CTIF: variants seen among roughly 807,000 people sequenced by gnomAD.
CTIF encodes CBP80/20-dependent translation initiation factor.
A neutral mutation model predicts 66.0 loss-of-function variants in CTIF; 21 were observed. That is an observed-to-expected ratio of 0.32 (90% CI 0.23 to 0.46). The LOEUF is 0.46. CTIF is among the 20% of genes least tolerant of loss of function. CTIF has a pLI of 1.00. For missense variants in CTIF, 739 were observed against 812.7 expected, an observed-to-expected ratio of 0.91 and a Z score of 1.10; for synonymous variants, 345 against 326.4, an observed-to-expected ratio of 1.06 and a Z score of -0.62.
chr18:48,768,995 T>C (rs1012001521), intron 9 of CTIF, among the ~76,000 whole-genome samples: 2 of 152,102 alleles, frequency 1.3e-5, no homozygotes, highest in African/African-American at 4.8e-5. Flanking sequence ...GGTCGCTGAG[T>C]CTCTGAGCTT....
rs137948933 is a variant in CTIF at position 48,748,208 on chromosome 18, T to A, written c.585-9711T>A. Among the ~76,000 whole-genome samples the A allele has an allele frequency of 4.8e-3, 727 of 152,184 alleles. 4 individuals carry two copies. Among genetic ancestry groups the A allele is most frequent in the Non-Finnish European group, 6.7e-3 (453 of 68,004 alleles). On this transcript the variant is annotated intron_variant, in intron 7 of 11. Transcript: ENST00000256413. ...AGGGGCGAGACGGGGGTTCGGGCCC[T>A]GGTCCTGGATGGGCTTTCTGCTCAA...
chr18:48,779,385 C>T (rs916679699), intron 9 of CTIF, among the ~76,000 whole-genome samples: 2 of 152,198 alleles, frequency 1.3e-5, no homozygotes, highest in African/African-American at 2.4e-5. Flanking sequence ...CGCAGCTGGT[C>T]AGTGACAGAC....
chr18:48,821,903 A>G (rs2068490847), intron 10 of CTIF, among the ~76,000 whole-genome samples: 1 of 152,256 alleles, frequency 6.6e-6, no homozygotes, highest in South Asian at 2.1e-4. Flanking sequence ...TTGTATCCAT[A>G]GCCATAATGT....
intron 9 of CTIF, among the ~76,000 whole-genome samples, chr18:48,808,134 T>C (rs1163066924): frequency 6.6e-6 from 1 of 152,218 alleles, no homozygotes; most frequent in Non-Finnish European, 1.5e-5. Context: ...ACTGCATCCT[T>C]ACCAGCATTG....
At chr18:48,578,504 A>G (rs2089584437) in intron 1 of CTIF, among the ~76,000 whole-genome samples, 1 of 152,130 alleles carries the variant, frequency 6.6e-6, no homozygotes, top group Admixed American at 6.5e-5. Flanking sequence ...TGTCTTTTTG[A>G]TTATAGTCAT....
intron 6 of CTIF, among the ~76,000 whole-genome samples, chr18:48,676,964 G>GGC (rs1292193003): frequency 8.5e-5 from 13 of 152,098 alleles, no homozygotes; most frequent in Non-Finnish European, 1.8e-4. Flanking sequence ...CCCAGCAGGT[G>GGC]GCGCTGCTGC....
At chr18:48,640,305 C>T (rs1335771153) in intron 3 of CTIF, among the ~76,000 whole-genome samples, 1 of 152,218 alleles carries the variant, frequency 6.6e-6, no homozygotes, top group Non-Finnish European at 1.5e-5. Flanking sequence ...TGTGCCTCAG[C>T]CAGCTGGTCA....
At chr18:48,545,409 G>GC (rs1436107669) in intron 1 of CTIF, among the ~76,000 whole-genome samples, 2 of 152,040 alleles carry the variant, frequency 1.3e-5, no homozygotes, top group Non-Finnish European at 2.9e-5. Flanking sequence ...CGGCATCCAG[G>GC]TCATAGGGGG....
intron 10 of CTIF, among the ~76,000 whole-genome samples, chr18:48,828,381 C>A (rs552840644): frequency 6.6e-6 from 1 of 152,218 alleles, no homozygotes; most frequent in South Asian, 2.1e-4. Flanking sequence ...AATTAACTAG[C>A]CTTATGAAGG....
At chr18:48,681,170 C>T (rs1166893430) in intron 6 of CTIF, among the ~76,000 whole-genome samples, 1 of 152,252 alleles carries the variant, frequency 6.6e-6, no homozygotes, top group African/African-American at 2.4e-5. Context: ...CTCCCTCCTA[C>T]ACCCTCTTCC....
At chr18:48,851,689 C>T (rs2069203916) in intron 10 of CTIF, among the ~76,000 whole-genome samples, 1 of 152,132 alleles carries the variant, frequency 6.6e-6, no homozygotes, top group Non-Finnish European at 1.5e-5. Flanking sequence ...ACTGAGCAGC[C>T]CCACTGTGTC....
At chr18:48,562,583 A>C (rs2089188094) in intron 1 of CTIF, among the ~76,000 whole-genome samples, 1 of 152,176 alleles carries the variant, frequency 6.6e-6, no homozygotes, top group Admixed American at 6.5e-5. Context: ...ACATCTGGCA[A>C]ATTAGGCTTC....
rs1319827895 is a variant in CTIF at position 48,604,167 on chromosome 18, G to T, written c.-28-15371G>T. ...CTGACTCCGTGATTTTTTTTTTAAG[G>T]GTTTTTTTTTTTTTTTTTTTTTTTT... On this transcript the variant is annotated intron_variant, in intron 1 of 11. Coordinates refer to ENST00000256413, the MANE Select transcript of CTIF (RefSeq NM_014772.3). 8.3e-5 allele frequency among the ~76,000 whole-genome samples: 6 copies of T among 72,170 alleles called. No homozygotes were observed. The Admixed American group carries it at 1.3e-3, about 16-fold the overall frequency. 47.3% of individuals were successfully genotyped at this position (72,170 alleles called of 152,430 possible). A position where few individuals can be genotyped will look rare whatever the true frequency, so the allele number is the denominator to read the frequency against.
In CTIF at chr18:48,860,217, A is replaced by G; in HGVS notation, c.*658A>G. The G allele has an allele frequency of 9.0e-6, 3 of 334,898 alleles. No individual in the cohort carries two copies. Among genetic ancestry groups the G allele is most frequent in the South Asian group, 2.4e-5 (1 of 41,740 alleles). The allele number at this position is 334,898 out of a possible 1,614,324, so 20.7% of individuals were successfully genotyped here. ...TAGGGGGTCAGGCGCAGCGGGGGAG[A>G]TGGAGTTTGCAGTTCCACTTGCACT... On this transcript the variant is annotated 3_prime_UTR_variant, in exon 12 of 12. Coordinates refer to ENST00000256413, the MANE Select transcript of CTIF (RefSeq NM_014772.3).
intron 3 of CTIF, among the ~76,000 whole-genome samples, chr18:48,647,363 G>T (rs981222204): frequency 6.6e-6 from 1 of 152,206 alleles, no homozygotes; most frequent in Non-Finnish European, 1.5e-5. Flanking sequence ...GGAGTGTTCT[G>T]TGTCTCCACT....
chr18:48,799,481 G>A (rs2068003411), intron 9 of CTIF, among the ~76,000 whole-genome samples: 1 of 151,630 alleles, frequency 6.6e-6, no homozygotes, highest in African/African-American at 2.4e-5. Context: ...GTCCTTTCTT[G>A]TATTTTTATC....
chr18:48,599,440 A>C (rs1187719415), intron 1 of CTIF, among the ~76,000 whole-genome samples: 1 of 152,124 alleles, frequency 6.6e-6, no homozygotes, highest in African/African-American at 2.4e-5. Flanking sequence ...CCTCTGAAAG[A>C]TGTCTTTGGA....
intron 7 of CTIF, among the ~76,000 whole-genome samples, chr18:48,730,552 CT>C (rs2092441127): frequency 2.7e-5 from 1 of 37,050 alleles, no homozygotes; most frequent in Non-Finnish European, 5.3e-5. Context: ...GGGGCTTCTG[CT>C]GTGTGAGGGG....
At chr18:48,807,287 G>A (rs1453242199) in intron 9 of CTIF, among the ~76,000 whole-genome samples, 2 of 152,062 alleles carry the variant, frequency 1.3e-5, no homozygotes, top group Non-Finnish European at 2.9e-5. Flanking sequence ...CAAGGAAAAG[G>A]GTCACAACCT....
Sources: gnomAD v4.1 joint callset for allele counts (sites outside exome capture counted in the v4.1 genomes callset) on GRCh38, gnomAD v4.1.1 for gene constraint, MANE v1.5 for transcripts, NCBI Gene and HGNC (gene_info 2026-07-23, HGNC 2026-07-21) for gene names.